Variants in TNNI1 observed in about 807,000 individuals in gnomAD.
TNNI1 encodes the protein troponin I1, slow skeletal type.
In TNNI1, 14 loss-of-function variants were observed where a neutral mutation model predicts 26.7. That is an observed-to-expected ratio of 0.52 (90% CI 0.35 to 0.82). The LOEUF (loss-of-function observed/expected upper bound fraction) is 0.82, where lower values mean the gene tolerates loss of function less well. Ranked by LOEUF, TNNI1 falls within the 40% of genes least tolerant of loss-of-function variation. The pLI is 0.01. For synonymous variants in TNNI1, 79 were observed against 98.2 expected, an observed-to-expected ratio of 0.80 and a Z score of 1.16; for missense variants, 164 against 257.0, an observed-to-expected ratio of 0.64 and a Z score of 2.47.
intron 6 of TNNI1, among the ~76,000 whole-genome samples, chr1:201,412,651 A>C (rs1662652433): frequency 6.6e-6 from 1 of 152,218 alleles, no homozygotes; most frequent in Non-Finnish European, 1.5e-5. Flanking sequence ...TCTCCTCTGC[A>C]AGGTGCAGAT....
chr1:201,404,516 T>A lies in TNNI1; in HGVS notation c.*4737A>T, dbSNP rs1046136811. On this transcript the variant is annotated 3_prime_UTR_variant, in exon 9 of 9. Coordinates refer to ENST00000361379, the MANE Select transcript of TNNI1 (RefSeq NM_003281.4). ...CTGACATTGTGCTGCCACCATTTTA[T>A]TTTGTGAAGTAAGAGCATTAGAAAA... 4 of 152,232 alleles carry A rather than the reference T, an allele frequency of 2.6e-5. No homozygotes were observed. The highest frequency in any genetic ancestry group is 9.7e-5 in the African/African-American group (4 of 41,450). 9.4% of individuals were successfully genotyped at this position (152,232 alleles called of 1,614,324 possible).
In TNNI1 at chr1:201,405,876, A is replaced by C. The variant is rs968503791; in HGVS notation, c.*3377T>G. The C allele has an allele frequency of 2.0e-5, 3 of 152,276 alleles. No individual in the cohort carries two copies. Among genetic ancestry groups the C allele is most frequent in the African/African-American group, 7.2e-5 (3 of 41,432 alleles). 9.4% of individuals were successfully genotyped at this position (152,276 alleles called of 1,614,324 possible). A position where few individuals can be genotyped will look rare whatever the true frequency, so the allele number is the denominator to read the frequency against. ...GCCCATCTCCACCAGCTGCAGAGAG[A>C]GGGGGTGCCCACCCAGCTATTGTGT... On this transcript the variant is annotated 3_prime_UTR_variant, in exon 9 of 9. Coordinates refer to ENST00000361379, the MANE Select transcript of TNNI1 (RefSeq NM_003281.4).
Position 201,414,605 on chromosome 1 carries a change from G to A in TNNI1, c.102C>T (p.His34=), listed in dbSNP as rs144272553. The part of the protein sequence containing the change: ...AKAKECWEQE[H]EEREAEKVRY... ...GCACCTTCTCAGCCTCGCGCTCCTC[G>A]TGCTCCTGCTCCCAGCATTCCTTGG... Residue 34 remains histidine, a synonymous_variant, in exon 5 of 9, where the codon CAC becomes CAT. Coordinates refer to ENST00000361379, the MANE Select transcript of TNNI1 (RefSeq NM_003281.4). The A allele has an allele frequency of 3.3e-5, 54 of 1,613,968 alleles. No individual in the cohort carries two copies. Among genetic ancestry groups the A allele is most frequent in the African/African-American group, 1.5e-4 (11 of 75,078 alleles).
In TNNI1 at chr1:201,405,725, G is replaced by A. The variant is rs1662501421; in HGVS notation, c.*3528C>T. 1.3e-5 allele frequency: 2 copies of A among 152,948 alleles called. No homozygotes were observed. Among genetic ancestry groups the A allele is most frequent in the Admixed American group, 6.5e-5 (1 of 15,292 alleles). The allele number at this position is 152,948 out of a possible 1,614,324, so 9.5% of individuals were successfully genotyped here. A position where few individuals can be genotyped will look rare whatever the true frequency, so the allele number is the denominator to read the frequency against. On this transcript the variant is annotated 3_prime_UTR_variant, in exon 9 of 9. Coordinates refer to ENST00000361379, the MANE Select transcript of TNNI1 (RefSeq NM_003281.4). The stretch of plus-strand genomic sequence containing the variant: ...CTGAGCTTGGCCTCCTTGCGCCGTG[G>A]GGACCGGGCACCCTGTGGGGAAAGG...
rs1397104502 is a variant in TNNI1, at chr1:201,410,310, G to C, written c.*2+16C>G. 1 of 1,606,454 alleles carries C rather than the reference G, an allele frequency of 6.2e-7. No individual in the cohort carries two copies. The highest frequency in any genetic ancestry group is 1.3e-5 in the African/African-American group (1 of 74,880). The stretch of plus-strand genomic sequence containing the variant: ...ACTCTGATGGACCCCAGAGAAGGGA[G>C]CTGGTCTCTAGGTACCTCTATTGTG... On this transcript the variant is annotated intron_variant, in intron 8 of 8. Coordinates refer to ENST00000361379, the MANE Select transcript of TNNI1 (RefSeq NM_003281.4).
chr1:201,408,955 T>G lies in TNNI1; in HGVS notation c.*298A>C, dbSNP rs1478019642. The G allele has an allele frequency of 6.6e-6, 1 of 151,912 alleles. No homozygotes were observed. Among genetic ancestry groups the G allele is most frequent in the East Asian group, 1.9e-4 (1 of 5,156 alleles). The allele number at this position is 151,912 out of a possible 1,614,324, so 9.4% of individuals were successfully genotyped here. ...GTGTGGCACAGGGCTGGAGGAAAGG[T>G]GTTCTCACCCCCTCCTCCTCCTCCA... On this transcript the variant is annotated 3_prime_UTR_variant, in exon 9 of 9. Coordinates refer to ENST00000361379, the MANE Select transcript of TNNI1 (RefSeq NM_003281.4).
chr1:201,412,925 C>G, intron 6 of TNNI1, 107 bp downstream of exon 6: 1 of 1,140,200 alleles, frequency 8.8e-7, no homozygotes, highest in Non-Finnish European at 1.3e-6. Context: ...TTAAGTGGCC[C>G]CTTCCTAGGC....
At chr1:201,410,188 A>C in intron 8 of TNNI1, 138 bp downstream of exon 8, 1 of 691,360 alleles carries the variant, frequency 1.4e-6, no homozygotes, top group Non-Finnish European at 2.5e-6. Context: ...AGGAGAGCCG[A>C]CTCAAATCAG....
rs777510893 is a variant in TNNI1 at position 201,411,698 on chromosome 1, C to A, written c.280-165G>T. Among the ~76,000 whole-genome samples the A allele has an allele frequency of 1.3e-5, 2 of 152,156 alleles. No individual in the cohort carries two copies. Among genetic ancestry groups the A allele is most frequent in the Admixed American group, 6.5e-5 (1 of 15,278 alleles). On this transcript the variant is annotated intron_variant, in intron 6 of 8. Coordinates refer to ENST00000361379, the MANE Select transcript of TNNI1 (RefSeq NM_003281.4). This position sits in a 1 kb window ranked among gnomAD's most constrained non-coding sequence, Gnocchi z 4.6. ...CACCAACCTTTTTGTCACCAGGGAC[C>A]GGTTTTGTGGAAGACACTTTTTCCA... is the stretch of plus-strand genomic sequence containing the variant.
rs898724431 is a variant in TNNI1 at position 201,413,265 on chromosome 1, G to T, written c.190-144C>A. On this transcript the variant is annotated intron_variant, in intron 5 of 8. Coordinates refer to ENST00000361379, the MANE Select transcript of TNNI1 (RefSeq NM_003281.4). ...CAGTCTCCTCCACTCTGAGGCTCATGACGGGCAATAGCTCAAAGGGTATGC... is the reference window on the plus strand; with the variant it reads ...CAGTCTCCTCCACTCTGAGGCTCATTACGGGCAATAGCTCAAAGGGTATGC... 7 of 802,988 alleles carry T rather than the reference G, an allele frequency of 8.7e-6. No individual in the cohort carries two copies. The African/African-American group carries it at 1.2e-4, about 14-fold the overall frequency. 49.7% of individuals were successfully genotyped at this position (802,988 alleles called of 1,614,324 possible).
At chr1:201,409,576 A>G (rs1027670359) in intron 8 of TNNI1, among the ~76,000 whole-genome samples, 5 of 152,110 alleles carry the variant, frequency 3.3e-5, no homozygotes, top group Admixed American at 2.0e-4. Context: ...CCTTCCCTTT[A>G]TCAGCTAACA....
At chr1:201,417,261 G>T in intron 2 of TNNI1, 142 bp from the exon 3 acceptor site, 1 of 1,115,044 alleles carries the variant, frequency 9.0e-7, no homozygotes, top group Non-Finnish European at 1.4e-6. Context: ...GAGCCAGAAA[G>T]TCATCAGGCA....
chr1:201,414,788 GCCACCATGAGGGTACA>G, intron 4 of TNNI1, 139 bp from the exon 5 acceptor site: 5 of 1,359,962 alleles, frequency 3.7e-6, no homozygotes, highest in Non-Finnish European at 4.0e-6. Context: ...CCATGGACAG[GCCACCATGAGGGTACA>G]CCCAGTGGCT....
Position 201,411,215 on chromosome 1 carries a change from CA to C in TNNI1, c.456+141del. 1 of 861,428 alleles carries C rather than the reference CA, an allele frequency of 1.2e-6. No individual in the cohort carries two copies. The highest frequency in any genetic ancestry group is 1.7e-5 in the South Asian group (1 of 59,112). 53.4% of individuals were successfully genotyped at this position (861,428 alleles called of 1,614,324 possible). On this transcript the variant is annotated intron_variant, in intron 7 of 8. Coordinates refer to ENST00000361379, the MANE Select transcript of TNNI1 (RefSeq NM_003281.4). The surrounding 1 kb of genome is among the most constrained non-coding windows in gnomAD (Gnocchi z 4.6). Reference sequence around the variant, plus strand: ...TTTCTTTCTTCCCACACTGGTCTCCCAAAGCATTCTAGAATGTTCTGTCTGT... The same window carrying C: ...TTTCTTTCTTCCCACACTGGTCTCCCAAGCATTCTAGAATGTTCTGTCTGT...
intron 1 of TNNI1, among the ~76,000 whole-genome samples, chr1:201,419,374 A>G (rs2799669): frequency 0.092 from 13,977 of 152,208 alleles, 1,411 homozygotes; most frequent in African/African-American, 0.25. Flanking sequence ...GGAAGGGAGG[A>G]ACTGTGCAAA....
chr1:201,411,362 CTG>C lies in TNNI1; in HGVS notation c.449_450del (p.Thr150ArgfsTer10), dbSNP rs1481716356. 1 of 1,613,794 alleles carries C rather than the reference CTG, an allele frequency of 6.2e-7. No individual in the cohort carries two copies. The highest frequency in any genetic ancestry group is 1.7e-5 in the Admixed American group (1 of 59,962). The part of the protein sequence containing the change: ...ANLKSVKKED[T>X]EKERPVEVGD... The stretch of plus-strand genomic sequence containing the variant: ...TCTGAGGAAAGGGACCTCACCTTCT[CTG>C]TGTCTTCCTTCTTCACAGACTTGAG... On this transcript the variant is annotated frameshift_variant, in exon 7 of 9. Coordinates refer to ENST00000361379, the MANE Select transcript of TNNI1 (RefSeq NM_003281.4). LOFTEE classifies it high-confidence loss of function. This position sits in a 1 kb window ranked among gnomAD's most constrained non-coding sequence, Gnocchi z 4.6.
chr1:201,408,868 G>C lies in TNNI1; in HGVS notation c.*385C>G, dbSNP rs1002233342. 1 of 152,336 alleles carries C rather than the reference G, an allele frequency of 6.6e-6. No individual in the cohort carries two copies. Among genetic ancestry groups the C allele is most frequent in the Admixed American group, 6.5e-5 (1 of 15,294 alleles). The allele number at this position is 152,336 out of a possible 1,614,324, so 9.4% of individuals were successfully genotyped here. On this transcript the variant is annotated 3_prime_UTR_variant, in exon 9 of 9. Coordinates refer to ENST00000361379, the MANE Select transcript of TNNI1 (RefSeq NM_003281.4). ...ACAGTCAGAGCTGCAGAAATGACCA[G>C]GAAACTGGGTTTTTAATGAAGAAGG...
At chr1:201,417,867 C>T (rs1662779577) in intron 1 of TNNI1, 55 bp from the exon 2 acceptor site, 3 of 1,276,860 alleles carry the variant, frequency 2.3e-6, no homozygotes, top group South Asian at 3.4e-5. Context: ...CTGCCCCTGC[C>T]CAGCTGGGCC....
chr1:201,417,248 A>G (rs1662758534), intron 2 of TNNI1, 129 bp from the exon 3 acceptor site: 2 of 1,241,700 alleles, frequency 1.6e-6, no homozygotes, highest in South Asian at 2.4e-5. Flanking sequence ...CAGTGACAAC[A>G]GTGAGCCAGA....
Sources: gnomAD v4.1 joint callset for allele counts (sites outside exome capture counted in the v4.1 genomes callset) on GRCh38, gnomAD v4.1.1 for gene constraint, Gnocchi (gnomAD v3.1) non-coding constraint, MANE v1.5 for transcripts, NCBI Gene and HGNC (gene_info 2026-07-23, HGNC 2026-07-21) for gene names.